RUFY2: variants seen among roughly 807,000 people sequenced by gnomAD.
RUFY2 encodes the protein RUN and FYVE domain-containing protein 2.
In RUFY2, 49 loss-of-function variants were observed where a neutral mutation model predicts 94.4. That is an observed-to-expected ratio of 0.52 (90% CI 0.41 to 0.66). The LOEUF is 0.66. Ranked by LOEUF, RUFY2 falls within the 30% of genes least tolerant of loss-of-function variation. The probability of loss-of-function intolerance (pLI) is 0.00; values close to 1 mark genes in which losing one functional copy is unlikely to be tolerated. For synonymous variants in RUFY2, 255 were observed against 235.7 expected (o/e 1.08, Z -0.75); for missense variants, 541 against 692.8 (o/e 0.78, Z 2.46).
rs2047407400 is a variant in RUFY2, at chr10:68,360,792, G to A, written c.1550+2798C>T. 4.6e-5 allele frequency among the ~76,000 whole-genome samples: 7 copies of A among 151,842 alleles called. No homozygotes were observed. In the South Asian group the frequency reaches 1.3e-3, roughly 27 times the overall value. ...CATCATCATCTTTCAATAATAAGCC[G>A]ATAAGAGCAAATATTTCAATTTTCA... is the stretch of plus-strand genomic sequence containing the variant. On this transcript the variant is annotated intron_variant, in intron 15 of 17. Coordinates refer to ENST00000602465, the MANE Select transcript of RUFY2 (RefSeq NM_001330103.2).
At chr10:68,362,929 C>T (rs1382734946) in intron 15 of RUFY2, among the ~76,000 whole-genome samples, 1 of 152,160 alleles carries the variant, frequency 6.6e-6, no homozygotes, top group Non-Finnish European at 1.5e-5. Flanking sequence ...CTCCACTTCT[C>T]GTGATGCTGG....
intron 7 of RUFY2, among the ~76,000 whole-genome samples, chr10:68,387,174 T>A (rs2049566415): frequency 1.3e-5 from 2 of 152,054 alleles, no homozygotes; most frequent in Non-Finnish European, 2.9e-5. Flanking sequence ...CTGGCCAACA[T>A]GGTGAAACCT....
intron 16 of RUFY2, among the ~76,000 whole-genome samples, chr10:68,353,262 C>T (rs190183463): frequency 7.6e-5 from 11 of 145,020 alleles, no homozygotes; most frequent in African/African-American, 1.8e-4. Flanking sequence ...AGCCGGGAGG[C>T]GGAGGTTGCA....
intron 8 of RUFY2, among the ~76,000 whole-genome samples, chr10:68,384,640 GAACT>G (rs1265260656): frequency 2.0e-5 from 3 of 152,178 alleles, no homozygotes; most frequent in African/African-American, 7.2e-5. Flanking sequence ...CATGTAACAG[GAACT>G]TAAGTGACTA....
intron 10 of RUFY2, 63 bp from the exon 11 acceptor site, chr10:68,381,462 T>C: frequency 6.7e-7 from 1 of 1,488,154 alleles, no homozygotes; most frequent in Non-Finnish European, 9.1e-7. Flanking sequence ...AGATATACTT[T>C]AAGAAAGATT....
At chr10:68,378,738 G>C (rs1340579147) in intron 12 of RUFY2, 3 of 1,163,848 alleles carry the variant, frequency 2.6e-6, no homozygotes, top group Non-Finnish European at 3.7e-6. Context: ...ATGTAAAAAT[G>C]GGGATAAAGA....
intron 13 of RUFY2, among the ~76,000 whole-genome samples, chr10:68,374,200 C>T (rs1485282321): frequency 6.7e-6 from 1 of 149,044 alleles, no homozygotes; most frequent in African/African-American, 2.5e-5. Flanking sequence ...CTTTGGGAGG[C>T]AAAGGTGGGA....
intron 16 of RUFY2, among the ~76,000 whole-genome samples, chr10:68,352,030 C>G (rs1322637483): frequency 1.3e-5 from 2 of 149,424 alleles, no homozygotes; most frequent in Admixed American, 1.3e-4. Context: ...GTACTCCAGC[C>G]TTGGTGTCAG....
intron 15 of RUFY2, chr10:68,355,696 C>T (rs1200847698): frequency 1.7e-4 from 34 of 205,976 alleles, no homozygotes; most frequent in Non-Finnish European, 1.5e-4. Flanking sequence ...CCGCGGATCA[C>T]GAGGTCAGGA....
At position 68,401,612 on chromosome 10, in the gene RUFY2, C is replaced by A. The variant is rs1342828292; in HGVS notation, c.296+8G>T. ...GGCTAGGGATGAACAAGTAATAGGC[C>A]TCCTTACTTCAGACCAGGTAGATCC... On this transcript the variant is annotated splice_region_variant and intron_variant, in intron 3 of 17. Transcript: ENST00000602465. 1.3e-6 allele frequency: 2 copies of A among 1,565,818 alleles called. No individual in the cohort carries two copies. The highest frequency in any genetic ancestry group is 1.8e-6 in the Non-Finnish European group (2 of 1,136,138).
At chr10:68,349,328 C>G (rs1227790539) in intron 16 of RUFY2, among the ~76,000 whole-genome samples, 1 of 151,922 alleles carries the variant, frequency 6.6e-6, no homozygotes, top group African/African-American at 2.4e-5. Flanking sequence ...CCAGCCTGGG[C>G]AACACAGTGA....
intron 1 of RUFY2, chr10:68,405,567 C>T: frequency 1.3e-6 from 1 of 749,926 alleles, no homozygotes; most frequent in Non-Finnish European, 1.6e-6. Flanking sequence ...GGATGAATTC[C>T]AAGGCAAAAA....
chr10:68,397,905 G>A (rs1214828358), intron 3 of RUFY2, among the ~76,000 whole-genome samples: 1 of 151,886 alleles, frequency 6.6e-6, no homozygotes, highest in East Asian at 1.9e-4. Context: ...GAGGCGAGCG[G>A]ATCACAAGGT....
intron 15 of RUFY2, among the ~76,000 whole-genome samples, chr10:68,356,790 C>CTA (rs1402866294): frequency 6.6e-6 from 1 of 150,550 alleles, no homozygotes; most frequent in Non-Finnish European, 1.5e-5. Context: ...TTCAAGTGAT[C>CTA]CACCTGTCTT....
chr10:68,407,168 T>TCGGCCCG lies in RUFY2; in HGVS notation c.4+11_4+17dup. ...GGGACTGAGGGCCTAGCGTTCGGTT[T>TCGGCCCG]CGGCCCGCTCGCCTTACCCATGGCG... On this transcript the variant is annotated intron_variant, in intron 1 of 17. Coordinates refer to ENST00000602465, the MANE Select transcript of RUFY2 (RefSeq NM_001330103.2). The TCGGCCCG allele has an allele frequency of 2.7e-6, 4 of 1,460,748 alleles. No homozygotes were observed. The highest frequency in any genetic ancestry group is 3.6e-6 in the Non-Finnish European group (4 of 1,118,632). The allele number at this position is 1,460,748 out of a possible 1,614,324, so 90.5% of individuals were successfully genotyped here.
intron 13 of RUFY2, among the ~76,000 whole-genome samples, chr10:68,369,672 A>G (rs1222831585): frequency 6.6e-6 from 1 of 152,172 alleles, no homozygotes; most frequent in Non-Finnish European, 1.5e-5. Context: ...CTGTAATCCA[A>G]GCACTTTGGG....
At position 68,382,072 on chromosome 10, in the gene RUFY2, G is replaced by A. The variant is rs538614564; in HGVS notation, c.940-673C>T. On this transcript the variant is annotated intron_variant, in intron 10 of 17. Coordinates refer to ENST00000602465, the MANE Select transcript of RUFY2 (RefSeq NM_001330103.2). ...TTCCTTTTTTTTTTTTTTTTGAGACGGAGTCTCGCTCTGTTGCCCAGGCTG... is the reference window on the plus strand; with the variant it reads ...TTCCTTTTTTTTTTTTTTTTGAGACAGAGTCTCGCTCTGTTGCCCAGGCTG... Among the ~76,000 whole-genome samples the A allele has an allele frequency of 2.4e-4, 36 of 147,004 alleles. 2 individuals carry two copies. In the South Asian group the frequency reaches 6.7e-3, roughly 27 times the overall value.
chr10:68,341,423 C>T, downstream of RUFY2: 3 of 1,173,198 alleles, frequency 2.6e-6, no homozygotes, highest in Non-Finnish European at 2.5e-6. Flanking sequence ...AACCATTTGA[C>T]CTCTATAATG....
At chr10:68,349,882 G>T (rs2046547885) in intron 16 of RUFY2, among the ~76,000 whole-genome samples, 1 of 151,756 alleles carries the variant, frequency 6.6e-6, no homozygotes, top group African/African-American at 2.4e-5. Context: ...AAATATAACA[G>T]GACGCTATTT....
Sources: gnomAD v4.1 joint callset for allele counts (sites outside exome capture counted in the v4.1 genomes callset) on GRCh38, gnomAD v4.1.1 for gene constraint, MANE v1.5 for transcripts, NCBI Gene and HGNC (gene_info 2026-07-23, HGNC 2026-07-21) for gene names.